Variants in TMEM150C observed in about 807,000 individuals in gnomAD.
TMEM150C encodes tentonin 3.
Under a neutral mutation model 29.9 loss-of-function variants are expected in TMEM150C, and 10 were observed. The ratio of observed to expected loss-of-function variants is 0.33; its 90% CI spans 0.21 to 0.57. The LOEUF is 0.57. Ranked by LOEUF, TMEM150C falls within the 20% of genes least tolerant of loss-of-function variation. The pLI, the probability that TMEM150C is intolerant of heterozygous loss-of-function variation, is 0.88. For missense variants in TMEM150C, 251 were observed against 303.6 expected, an observed-to-expected ratio of 0.83 and a Z score of 1.29; for synonymous variants, 101 against 112.5, an observed-to-expected ratio of 0.90 and a Z score of 0.64.
intron 2 of TMEM150C, among the ~76,000 whole-genome samples, chr4:82,503,318 C>T (rs1473307359): frequency 1.3e-5 from 2 of 152,016 alleles, no homozygotes; most frequent in African/African-American, 4.8e-5. Flanking sequence ...TCAAAACATC[C>T]CCAAAGTAAT....
intron 1 of TMEM150C, among the ~76,000 whole-genome samples, chr4:82,544,910 CAAAAATCTACCAATG>C (rs1387486649): frequency 6.6e-6 from 1 of 151,884 alleles, no homozygotes; most frequent in Non-Finnish European, 1.5e-5. Context: ...AAAAAAGCCC[CAAAAATCTACCAATG>C]AAAAAAGACC....
At position 82,485,144 on chromosome 4, in the gene TMEM150C, G is replaced by A. The variant is rs545167483; in HGVS notation, c.*367C>T. On this transcript the variant is annotated 3_prime_UTR_variant, in exon 8 of 8. Transcript: ENST00000449862. ...GCCCTTTGGACCTGAAGGCAACGTC[G>A]GGAGTTGGCATTACTCCCAAGGAAC... 3.0e-5 allele frequency: 6 copies of A among 199,414 alleles called. No homozygotes were observed. Among genetic ancestry groups the A allele is most frequent in the South Asian group, 1.0e-4 (1 of 9,642 alleles). 12.4% of individuals were successfully genotyped at this position (199,414 alleles called of 1,614,324 possible).
chr4:82,486,150 C>T (rs190147295), intron 7 of TMEM150C, among the ~76,000 whole-genome samples: 7 of 151,894 alleles, frequency 4.6e-5, no homozygotes, highest in African/African-American at 1.7e-4. Flanking sequence ...CTAACTCCTG[C>T]GCCATGTATT....
intron 1 of TMEM150C, among the ~76,000 whole-genome samples, chr4:82,553,632 A>G (rs1298761508): frequency 1.3e-5 from 2 of 152,230 alleles, no homozygotes; most frequent in Non-Finnish European, 2.9e-5. Flanking sequence ...ATGAACAAGA[A>G]AGAAGAGTGA....
intron 6 of TMEM150C, chr4:82,495,678 G>A: frequency 3.4e-6 from 1 of 297,640 alleles, no homozygotes; most frequent in South Asian, 3.6e-5. Context: ...CATGGGTCAA[G>A]ATACCCTGCT....
intron 1 of TMEM150C, among the ~76,000 whole-genome samples, chr4:82,531,754 CAAA>C (rs757992713): frequency 1.3e-3 from 81 of 62,278 alleles, no homozygotes; most frequent in African/African-American, 3.0e-3. Flanking sequence ...GACTCTGTCT[CAAA>C]AAAAAAAAAA....
intron 1 of TMEM150C, among the ~76,000 whole-genome samples, chr4:82,509,105 CTTCCAA>C (rs1178529715): frequency 1.1e-4 from 17 of 152,208 alleles, no homozygotes; most frequent in South Asian, 2.1e-4. Flanking sequence ...ATGTTCTTTT[CTTCCAA>C]TAAATGTCAT....
chr4:82,532,869 C>T (rs562011594), intron 1 of TMEM150C, among the ~76,000 whole-genome samples: 1 of 152,124 alleles, frequency 6.6e-6, no homozygotes, highest in East Asian at 1.9e-4. Flanking sequence ...GCTAGGACTA[C>T]AGGTGCCTAC....
chr4:82,492,598 C>T (rs1014966341), intron 6 of TMEM150C, among the ~76,000 whole-genome samples: 1 of 151,666 alleles, frequency 6.6e-6, no homozygotes, highest in Non-Finnish European at 1.5e-5. Flanking sequence ...TTGCCATTGG[C>T]GGTTATAGAT....
intron 5 of TMEM150C, among the ~76,000 whole-genome samples, chr4:82,498,519 T>C (rs1578125350): frequency 1.3e-5 from 2 of 152,126 alleles, no homozygotes; most frequent in South Asian, 4.1e-4. Context: ...CTCTATCTAC[T>C]GACCTTGTGA....
intron 1 of TMEM150C, among the ~76,000 whole-genome samples, chr4:82,519,402 CTCTTTCTTTT>C (rs1292923116): frequency 6.6e-6 from 1 of 151,456 alleles, no homozygotes; most frequent in East Asian, 1.9e-4. Flanking sequence ...GATGTTCTTT[CTCTTTCTTTT>C]TCTTTCTTTC....
chr4:82,508,340 A>G (rs1724005455), intron 1 of TMEM150C, among the ~76,000 whole-genome samples: 1 of 152,026 alleles, frequency 6.6e-6, no homozygotes, highest in South Asian at 2.1e-4. Context: ...ATGGCATCTC[A>G]CTATGTTGTC....
At chr4:82,514,497 T>C (rs968398528) in intron 1 of TMEM150C, among the ~76,000 whole-genome samples, 1 of 152,134 alleles carries the variant, frequency 6.6e-6, no homozygotes, top group African/African-American at 2.4e-5. Context: ...GTGCATTTAC[T>C]GGATGGGGCT....
rs1723775231 is a variant in TMEM150C at position 82,502,710 on chromosome 4, C to A, written c.235+17G>T. The A allele has an allele frequency of 5.6e-6, 9 of 1,602,286 alleles. No individual in the cohort carries two copies. The highest frequency in any genetic ancestry group is 7.7e-6 in the Non-Finnish European group (9 of 1,173,638). On this transcript the variant is annotated intron_variant, in intron 5 of 7. Coordinates refer to ENST00000449862, the MANE Select transcript of TMEM150C (RefSeq NM_001080506.3). ...AATGTACCAAAGCACATAAAGCGTT[C>A]TTTACCCTCTTCTTACCTAGGAAGG...
chr4:82,529,239 T>TTCCCTCCC (rs1333139709), intron 1 of TMEM150C, among the ~76,000 whole-genome samples: 2 of 150,858 alleles, frequency 1.3e-5, no homozygotes, highest in South Asian at 2.1e-4. Context: ...TTTTGTTTCT[T>TTCCCTCCC]TCCCTCCCTC....
intron 6 of TMEM150C, among the ~76,000 whole-genome samples, chr4:82,492,792 C>CA (rs1192509650): frequency 0.072 from 3,707 of 51,770 alleles, 385 homozygotes; most frequent in African/African-American, 0.19. Flanking sequence ...TCCACTTCTC[C>CA]AAAAAAAAAA....
Position 82,504,605 on chromosome 4 carries a change from A to C in TMEM150C, c.53T>G (p.Leu18Trp), listed in dbSNP as rs1170639096. Reference protein sequence around the residue: ...VWMFLPLVFTLFTSAGLWIVY... With the variant: ...VWMFLPLVFTWFTSAGLWIVY... The stretch of plus-strand genomic sequence containing the variant: ...TATCCACAATCCAGCTGAAGTAAAC[A>C]AAGTAAATACAAGAGGTAGGAACAT... Residue 18 changes from leucine (L) to tryptophan (W), a missense_variant, in exon 2 of 8, where the codon TTG becomes TGG. By Grantham distance (61) the Leu-to-Trp change is moderately conservative (BLOSUM62 -2). Coordinates refer to ENST00000449862, the MANE Select transcript of TMEM150C (RefSeq NM_001080506.3). The C allele has an allele frequency of 6.2e-7, 1 of 1,613,574 alleles. No individual in the cohort carries two copies. The highest frequency in any genetic ancestry group is 1.7e-5 in the Admixed American group (1 of 59,998).
At chr4:82,486,361 A>AG (rs1553904911) in intron 7 of TMEM150C, among the ~76,000 whole-genome samples, 4 of 150,702 alleles carry the variant, frequency 2.7e-5, no homozygotes, top group African/African-American at 4.9e-5. Context: ...AAAAAAAAAA[A>AG]AAGAAGAAAG....
intron 1 of TMEM150C, among the ~76,000 whole-genome samples, chr4:82,506,789 A>T (rs1244415684): frequency 6.6e-6 from 1 of 152,250 alleles, no homozygotes; most frequent in Non-Finnish European, 1.5e-5. Context: ...GCTATCCATT[A>T]TGCCAACAAA....
Sources: gnomAD v4.1 joint callset for allele counts (sites outside exome capture counted in the v4.1 genomes callset) on GRCh38, gnomAD v4.1.1 for gene constraint, MANE v1.5 for transcripts, NCBI Gene and HGNC (gene_info 2026-07-23, HGNC 2026-07-21) for gene names.